Variants in ETV4 observed in about 807,000 individuals in gnomAD.
ETV4 encodes ETS translocation variant 4.
Under a neutral mutation model 65.9 loss-of-function variants are expected in ETV4, and 42 were observed. That is an observed-to-expected ratio of 0.64 (90% CI 0.50 to 0.82). The LOEUF (loss-of-function observed/expected upper bound fraction) is 0.82. Among genes scored for constraint, ETV4 ranks in the 40% least tolerant of loss-of-function variants. ETV4 has a pLI of 0.00. For missense variants in ETV4, 583 were observed against 630.3 expected (o/e 0.92, Z 0.80); for synonymous variants, 238 against 260.0 (o/e 0.92, Z 0.81).
intron 5 of ETV4, among the ~76,000 whole-genome samples, chr17:43,535,268 G>A (rs563132054): frequency 6.7e-6 from 1 of 149,476 alleles, no homozygotes; most frequent in Non-Finnish European, 1.5e-5. Flanking sequence ...ATTAAAGCAG[G>A]GTTTGTTTTT....
intron 7 of ETV4, 105 bp from the exon 8 acceptor site, chr17:43,533,044 G>A: frequency 1.3e-6 from 2 of 1,492,700 alleles, no homozygotes; most frequent in East Asian, 2.3e-5. Flanking sequence ...ATGGGGGGTA[G>A]GGGGTTGGGG....
chr17:43,530,473 T>G (rs1418046530), intron 8 of ETV4: 22 of 1,310,314 alleles, frequency 1.7e-5, no homozygotes, highest in Non-Finnish European at 2.1e-5. Context: ...AGCAGCTGTT[T>G]CCTGCGAGTT....
intron 4 of ETV4, among the ~76,000 whole-genome samples, chr17:43,538,180 G>A (rs1478715411): frequency 6.6e-6 from 1 of 150,832 alleles, no homozygotes; most frequent in Non-Finnish European, 1.5e-5. Flanking sequence ...GTGGTGGCAC[G>A]CCTGTAATCC....
intron 4 of ETV4, among the ~76,000 whole-genome samples, chr17:43,538,921 C>T (rs1370533710): frequency 6.6e-6 from 1 of 152,114 alleles, no homozygotes; most frequent in African/African-American, 2.4e-5. Flanking sequence ...TATGAGATGG[C>T]TAGAAAAAAC....
intron 2 of ETV4, 85 bp downstream of exon 2, chr17:43,545,473 G>T: frequency 1.4e-6 from 2 of 1,459,050 alleles, no homozygotes; most frequent in Non-Finnish European, 1.9e-6. Flanking sequence ...CCAGGACTCC[G>T]CTGGGACTGC....
chr17:43,530,946 C>G (rs1299556923), intron 8 of ETV4, among the ~76,000 whole-genome samples: 6 of 152,050 alleles, frequency 3.9e-5, no homozygotes, highest in Admixed American at 2.0e-4. Context: ...TGACTCCATT[C>G]AGGAGTAGCT....
In ETV4 at chr17:43,545,590, A is replaced by C; in HGVS notation, c.28T>G (p.Leu10Val). 1.9e-6 allele frequency: 3 copies of C among 1,550,776 alleles called. No homozygotes were observed. The highest frequency in any genetic ancestry group is 2.6e-6 in the Non-Finnish European group (3 of 1,146,872). Residue 10 changes from leucine (L) to valine (V), a missense_variant, in exon 2 of 13, where the codon TTG (leucine) becomes GTG (valine). By Grantham distance (32) the Leu-to-Val change is conservative. Transcript: ENST00000319349. MERRMKAGY[L>V]DQQVPYTFSS... Reference sequence around the variant, plus strand: ...AAGGTGTAGGGCACTTGCTGGTCCAAGTATCCGGCTTTCATCCTCCGCTCC... The same window carrying C: ...AAGGTGTAGGGCACTTGCTGGTCCACGTATCCGGCTTTCATCCTCCGCTCC...
chr17:43,529,843 G>C (rs766689856), intron 10 of ETV4, 41 bp downstream of exon 10: 1 of 1,609,122 alleles, frequency 6.2e-7, no homozygotes, highest in Non-Finnish European at 8.5e-7. Flanking sequence ...GACACAGCGT[G>C]ATAAGACCTT....
Position 43,528,600 on chromosome 17 carries a change from G to T in ETV4, c.1374C>A (p.His458Gln), listed in dbSNP as rs774883014. The change falls in exon 13 of 13, where the codon CAC (histidine) becomes CAA (glutamine). Residue 458 changes from histidine to glutamine, a missense_variant. Coordinates refer to ENST00000319349, the MANE Select transcript of ETV4 (RefSeq NM_001079675.5). Reference sequence around the variant, plus strand: ...GGAGGTAGGCGGGGCTCTCATCCAAGTGGGACAAAGGGACTGTGTCCTCCT... The same window carrying T: ...GGAGGTAGGCGGGGCTCTCATCCAATTGGGACAAAGGGACTGTGTCCTCCT... ...VSEEDTVPLSHLDESPAYLPE... is the reference protein window; with the variant it reads ...VSEEDTVPLSQLDESPAYLPE... 1 of 1,614,188 alleles carries T rather than the reference G, an allele frequency of 6.2e-7. No homozygotes were observed. Among genetic ancestry groups the T allele is most frequent in the Non-Finnish European group, 8.5e-7 (1 of 1,180,030 alleles).
intron 5 of ETV4, 27 bp downstream of exon 5, chr17:43,536,399 A>G (rs1361055990): frequency 1.9e-6 from 3 of 1,606,732 alleles, no homozygotes; most frequent in Non-Finnish European, 2.6e-6. Flanking sequence ...CACTCCCTAT[A>G]CCCTCTCCCC....
chr17:43,534,949 A>G (rs1451671058), intron 5 of ETV4, among the ~76,000 whole-genome samples: 3 of 152,218 alleles, frequency 2.0e-5, no homozygotes, highest in African/African-American at 7.2e-5. Flanking sequence ...CTCTAAATAA[A>G]TAAATAAAAG....
chr17:43,538,944 G>A (rs1360133884), intron 4 of ETV4, among the ~76,000 whole-genome samples: 5 of 152,084 alleles, frequency 3.3e-5, no homozygotes, highest in South Asian at 2.1e-4. Context: ...CCACACCCCC[G>A]GCCTATACAA....
In ETV4 at chr17:43,546,247, CG is replaced by C. The variant is rs1971813841; in HGVS notation, c.-115del. On this transcript the variant is annotated 5_prime_UTR_variant, in exon 1 of 13. Coordinates refer to ENST00000319349, the MANE Select transcript of ETV4 (RefSeq NM_001079675.5). ...CCCGAGCATGCCCTGGAGCCCGCACCGAGGGCCGCGGGGCTAGGCCGGAGTA... is the reference window on the plus strand; with the variant it reads ...CCCGAGCATGCCCTGGAGCCCGCACCAGGGCCGCGGGGCTAGGCCGGAGTA... The C allele has an allele frequency of 6.6e-6, 1 of 152,294 alleles. No individual in the cohort carries two copies. Among genetic ancestry groups the C allele is most frequent in the Admixed American group, 6.5e-5 (1 of 15,290 alleles). 9.4% of individuals were successfully genotyped at this position (152,294 alleles called of 1,614,324 possible).
At chr17:43,538,140 CA>C (rs34924870) in intron 4 of ETV4, among the ~76,000 whole-genome samples, 65,289 of 110,722 alleles carry the variant, frequency 0.59, 17,450 homozygotes, top group East Asian at 0.73. Context: ...GACTCCATTT[CA>C]AAAAAAAAAA....
chr17:43,545,412 T>C, intron 2 of ETV4, 45 bp from the exon 3 acceptor site: 1 of 1,507,112 alleles, frequency 6.6e-7, no homozygotes, highest in South Asian at 1.2e-5. Flanking sequence ...CTGAGGCGCT[T>C]AGTCTGGGGG....
intron 12 of ETV4, among the ~76,000 whole-genome samples, 178 bp from the exon 13 acceptor site, chr17:43,528,921 A>G (rs1351510698): frequency 1.3e-5 from 2 of 151,792 alleles, no homozygotes; most frequent in African/African-American, 4.8e-5. Flanking sequence ...CTCCTTTTTC[A>G]TCTCAACTTC....
At chr17:43,530,735 A>G (rs1380750779) in intron 8 of ETV4, among the ~76,000 whole-genome samples, 3 of 152,058 alleles carry the variant, frequency 2.0e-5, no homozygotes, top group Admixed American at 6.5e-5. Context: ...ACTTCGTTTC[A>G]TTCCATTCCA....
chr17:43,536,414 A>G lies in ETV4; in HGVS notation c.256+12T>C, dbSNP rs964075855. On this transcript the variant is annotated intron_variant, in intron 5 of 12. Coordinates refer to ENST00000319349, the MANE Select transcript of ETV4 (RefSeq NM_001079675.5). ...CACTCCCTATACCCTCTCCCCAGGG[A>G]CCTCTACTCACGGTTTTCTGAATGG... 1.2e-6 allele frequency: 2 copies of G among 1,613,126 alleles called. No individual in the cohort carries two copies. Among genetic ancestry groups the G allele is most frequent in the African/African-American group, 1.3e-5 (1 of 74,992 alleles).
intron 2 of ETV4, 29 bp downstream of exon 2, chr17:43,545,529 G>C (rs1971770859): frequency 1.3e-6 from 2 of 1,539,202 alleles, no homozygotes; most frequent in African/African-American, 1.4e-5. Flanking sequence ...GCGGGGCGGG[G>C]CGGGCGTGGA....
Sources: allele counts gnomAD v4.1 joint callset (sites outside exome capture counted in the v4.1 genomes callset), GRCh38; gene constraint gnomAD v4.1.1; transcripts MANE v1.5; gene names NCBI Gene and HGNC (gene_info 2026-07-23, HGNC 2026-07-21).